ANOS1: variants seen among roughly 807,000 people sequenced by gnomAD.
The protein encoded by ANOS1 is anosmin-1.
ANOS1 carries 6 observed loss-of-function variants against 59.0 expected under a neutral mutation model. That is an observed-to-expected ratio of 0.10 (90% CI 0.06 to 0.20). The LOEUF (loss-of-function observed/expected upper bound fraction) is 0.20, where lower values mean the gene tolerates loss of function less well. Among genes scored for constraint, ANOS1 ranks in the 10% least tolerant of loss-of-function variants. The pLI is 1.00. For missense variants in ANOS1, 433 were observed against 542.3 expected, an observed-to-expected ratio of 0.80 and a Z score of 2.00; for synonymous variants, 217 against 223.4, an observed-to-expected ratio of 0.97 and a Z score of 0.25.
intron 10 of ANOS1, among the ~76,000 whole-genome samples, chrX:8,539,436 C>T (rs1224507876): frequency 1.8e-5 from 2 of 109,891 alleles, no homozygotes; most frequent in Non-Finnish European, 3.8e-5. Context: ...TTAGTCTCTG[C>T]ACTTTAGGTT....
chrX:8,576,950 G>A (rs1168656289), intron 6 of ANOS1, among the ~76,000 whole-genome samples: 2 of 110,807 alleles, frequency 1.8e-5, no homozygotes, highest in Non-Finnish European at 3.8e-5. Context: ...TAGGCTTTGC[G>A]GACCATATGG....
chrX:8,623,411 A>G (rs1174478496), intron 3 of ANOS1, among the ~76,000 whole-genome samples, 197 bp downstream of exon 3: 1 of 111,066 alleles, frequency 9.0e-6, no homozygotes, highest in Admixed American at 9.6e-5. Context: ...TGGTTAGCCA[A>G]TAATGCAAGC....
chrX:8,686,848 G>C (rs1191709095), intron 2 of ANOS1, among the ~76,000 whole-genome samples: 1 of 112,037 alleles, frequency 8.9e-6, no homozygotes. Context: ...CAACTACTCA[G>C]AAGGCTGAGG....
intron 6 of ANOS1, among the ~76,000 whole-genome samples, chrX:8,572,937 G>A: frequency 9.0e-6 from 1 of 111,145 alleles, no homozygotes; most frequent in Non-Finnish European, 1.9e-5. Context: ...ACCCCAATAT[G>A]GAGGTCTGGC....
rs1419102599 is a variant in ANOS1, at chrX:8,683,456, C to T, written c.255+16242G>A. 4.5e-5 allele frequency among the ~76,000 whole-genome samples: 5 copies of T among 110,727 alleles called. No individual in the cohort carries two copies. In the South Asian group the frequency reaches 1.2e-3, roughly 26 times the overall value. ...AACTCTATTGTGCCTCTCACTCAAA[C>T]GGCAGAAGATGTCCATTTAAATCAG... On this transcript the variant is annotated intron_variant, in intron 2 of 13. Transcript: ENST00000262648.
In ANOS1 at chrX:8,619,945, T is replaced by G. The variant is rs186899794; in HGVS notation, c.318+3663A>C. On this transcript the variant is annotated intron_variant, in intron 3 of 13. Coordinates refer to ENST00000262648, the MANE Select transcript of ANOS1 (RefSeq NM_000216.4). The stretch of plus-strand genomic sequence containing the variant: ...GACTGTTCTTTGTTTTATTGTTTTT[T>G]GTTTTGACACAGGCTCTTACTCTTT... Among the ~76,000 whole-genome samples, 12 of 112,188 alleles carry G rather than the reference T, an allele frequency of 1.1e-4. No homozygotes were observed. In the East Asian group the frequency reaches 3.1e-3, roughly 29 times the overall value.
chrX:8,700,779 C>T (rs746718709), intron 1 of ANOS1, among the ~76,000 whole-genome samples: 21 of 111,830 alleles, frequency 1.9e-4, no homozygotes, highest in African/African-American at 6.2e-4. Flanking sequence ...GAGGCCAAGA[C>T]GGGTGGATCG....
intron 5 of ANOS1, among the ~76,000 whole-genome samples, chrX:8,586,477 T>C (rs187337580): frequency 8.9e-6 from 1 of 112,242 alleles, no homozygotes; most frequent in Admixed American, 9.5e-5. Flanking sequence ...CCACAGCGTT[T>C]AGCAGAGAAG....
intron 1 of ANOS1, among the ~76,000 whole-genome samples, chrX:8,716,254 A>ACTT (rs1187081736): frequency 1.8e-5 from 2 of 112,206 alleles, no homozygotes; most frequent in Non-Finnish European, 3.8e-5. Context: ...CCATCCATCT[A>ACTT]CTTATATGAT....
intron 2 of ANOS1, among the ~76,000 whole-genome samples, chrX:8,658,425 T>C (rs1269864250): frequency 8.9e-6 from 1 of 112,047 alleles, no homozygotes; most frequent in African/African-American, 3.2e-5. Context: ...ATTTCCTCTT[T>C]ATTGCTTGTT....
chrX:8,613,343 G>A (rs1219266807), intron 3 of ANOS1, among the ~76,000 whole-genome samples: 3 of 109,267 alleles, frequency 2.7e-5, no homozygotes, highest in Non-Finnish European at 3.8e-5. Flanking sequence ...GTCTAGCTGG[G>A]ACCACAGGTG....
chrX:8,532,422 T>A lies in ANOS1; in HGVS notation c.*573A>T, dbSNP rs1929514612. 8.9e-6 allele frequency: 1 copy of A among 111,793 alleles called. No homozygotes were observed. The highest frequency in any genetic ancestry group is 3.3e-5 in the African/African-American group (1 of 30,698). 9.2% of individuals were successfully genotyped at this position (111,793 alleles called of 1,213,427 possible). A position where few individuals can be genotyped will look rare whatever the true frequency, so the allele number is the denominator to read the frequency against. On this transcript the variant is annotated 3_prime_UTR_variant, in exon 14 of 14. Coordinates refer to ENST00000262648, the MANE Select transcript of ANOS1 (RefSeq NM_000216.4). ...TGCATAAAGAGCAGCACAAGGTACT[T>A]AAAGTAGGAGCATTTTTAGATTTAA...
chrX:8,722,489 A>G (rs186790181), intron 1 of ANOS1, among the ~76,000 whole-genome samples: 11 of 111,458 alleles, frequency 9.9e-5, no homozygotes, highest in Admixed American at 8.6e-4. Context: ...TTCACTTACA[A>G]TAATGGTCTC....
intron 2 of ANOS1, among the ~76,000 whole-genome samples, chrX:8,658,107 G>A (rs1001739569): frequency 2.7e-5 from 3 of 111,963 alleles, no homozygotes; most frequent in Non-Finnish European, 5.6e-5. Context: ...TTCTCAGATA[G>A]AGAGTGGCAG....
intron 6 of ANOS1, among the ~76,000 whole-genome samples, chrX:8,584,432 A>T (rs190396486): frequency 0.033 from 3,124 of 94,652 alleles, 44 homozygotes; most frequent in Middle Eastern, 0.044. Context: ...GTTTGTTTTT[A>T]AAAAAAAGAG....
Position 8,702,801 on chromosome X carries a change from C to G in ANOS1, c.208-3056G>C, listed in dbSNP as rs182399652. ...CAACCAGTGATGGGAAGCAATGAGG[C>G]ACCTTCTAAAGAGACTCAGGGCTGA... On this transcript the variant is annotated intron_variant, in intron 1 of 13. Coordinates refer to ENST00000262648, the MANE Select transcript of ANOS1 (RefSeq NM_000216.4). Among the ~76,000 whole-genome samples the G allele has an allele frequency of 8.7e-4, 97 of 111,992 alleles. 1 individual carries two copies. The highest frequency in any genetic ancestry group is 3.0e-3 in the African/African-American group (94 of 30,862).
At chrX:8,712,876 G>A (rs771956844) in intron 1 of ANOS1, among the ~76,000 whole-genome samples, 8 of 112,269 alleles carry the variant, frequency 7.1e-5, no homozygotes, top group Middle Eastern at 4.2e-3. Flanking sequence ...CTCCCCAGGT[G>A]TAACCAATCT....
At position 8,651,524 on chromosome X, in the gene ANOS1, T is replaced by C. The variant is rs764460864; in HGVS notation, c.256-27854A>G. Reference sequence around the variant, plus strand: ...TCTCACCAATGGGTAGCCAAGTGTCTTCAATTTCGTAGTCTTACCTGATTT... The same window carrying C: ...TCTCACCAATGGGTAGCCAAGTGTCCTCAATTTCGTAGTCTTACCTGATTT... On this transcript the variant is annotated intron_variant, in intron 2 of 13. Coordinates refer to ENST00000262648, the MANE Select transcript of ANOS1 (RefSeq NM_000216.4). Among the ~76,000 whole-genome samples, 11 of 112,498 alleles carry C rather than the reference T, an allele frequency of 9.8e-5. No individual in the cohort carries two copies. In the South Asian group the frequency reaches 3.7e-3, roughly 38 times the overall value.
At chrX:8,706,798 G>A (rs1932782654) in intron 1 of ANOS1, among the ~76,000 whole-genome samples, 1 of 111,992 alleles carries the variant, frequency 8.9e-6, no homozygotes, top group African/African-American at 3.2e-5. Context: ...CAAATGTTAT[G>A]GAATATCCTC....
Sources: allele counts gnomAD v4.1 joint callset (sites outside exome capture counted in the v4.1 genomes callset), GRCh38; gene constraint gnomAD v4.1.1; transcripts MANE v1.5; gene names NCBI Gene and HGNC (gene_info 2026-07-23, HGNC 2026-07-21).